The following SPICE1 variants were observed in gnomAD, a reference collection of about 807,000 sequenced individuals.
SPICE1 encodes spindle and centriole associated protein 1, also known as spindle and centriole-associated protein 1.
Under a neutral mutation model 102.7 loss-of-function variants are expected in SPICE1, and 75 were observed. That is an observed-to-expected ratio of 0.73 (90% CI 0.61 to 0.88). SPICE1 has a LOEUF of 0.88. SPICE1 is among the 40% of genes least tolerant of loss of function. The pLI, the probability that SPICE1 is intolerant of heterozygous loss-of-function variation, is 0.00. For missense variants in SPICE1, 979 were observed against 1,020.1 expected (o/e 0.96, Z 0.55); for synonymous variants, 308 against 350.3 (o/e 0.88, Z 1.35).
At chr3:113,514,875 A>C (rs1937292854) in intron 1 of SPICE1, 22 bp downstream of exon 1, 1 of 1,210,306 alleles carries the variant, frequency 8.3e-7, no homozygotes, top group African/African-American at 1.6e-5. Flanking sequence ...AAACATACCC[A>C]GACACGCACC....
chr3:113,512,020 G>C (rs866419777), intron 1 of SPICE1, among the ~76,000 whole-genome samples: 1 of 152,144 alleles, frequency 6.6e-6, no homozygotes, highest in Non-Finnish European at 1.5e-5. Context: ...GGGGGGAAAA[G>C]TATTTCAAGT....
chr3:113,470,832 A>G (rs1433047354), intron 7 of SPICE1, among the ~76,000 whole-genome samples: 2 of 152,216 alleles, frequency 1.3e-5, no homozygotes, highest in African/African-American at 2.4e-5. Context: ...AGTTGCTTGG[A>G]ACTGCTGATC....
chr3:113,494,504 G>A (rs1576644690), intron 4 of SPICE1, among the ~76,000 whole-genome samples: 1 of 151,920 alleles, frequency 6.6e-6, no homozygotes, highest in South Asian at 2.1e-4. Context: ...AAAATTAGCC[G>A]GGCGTGGTAG....
Position 113,489,667 on chromosome 3 carries a change from G to A in SPICE1, c.493-604C>T, listed in dbSNP as rs115635212. Among the ~76,000 whole-genome samples the A allele has an allele frequency of 8.9e-3, 1,355 of 151,920 alleles. 24 individuals are homozygous for A. The highest frequency in any genetic ancestry group is 0.031 in the African/African-American group (1,289 of 41,404). On this transcript the variant is annotated intron_variant, in intron 6 of 17. Coordinates refer to ENST00000295872, the MANE Select transcript of SPICE1 (RefSeq NM_144718.4). ...TGAAGACCAGCCTGAACAACATGGCGAAACCATGTCTCTACAAAAAAATTT... is the reference window on the plus strand; with the variant it reads ...TGAAGACCAGCCTGAACAACATGGCAAAACCATGTCTCTACAAAAAAATTT...
At chr3:113,511,804 C>T (rs1256130752) in intron 1 of SPICE1, among the ~76,000 whole-genome samples, 1 of 151,098 alleles carries the variant, frequency 6.6e-6, no homozygotes, top group Non-Finnish European at 1.5e-5. Context: ...TATTAAAATT[C>T]AAAAAAAATG....
chr3:113,485,016 C>T (rs1457194500), intron 7 of SPICE1, among the ~76,000 whole-genome samples: 1 of 152,066 alleles, frequency 6.6e-6, no homozygotes. Flanking sequence ...GCCTGAGGAA[C>T]CTTGCACTCT....
chr3:113,491,231 G>A (rs574841491), intron 6 of SPICE1, among the ~76,000 whole-genome samples: 1 of 152,232 alleles, frequency 6.6e-6, no homozygotes, highest in East Asian at 1.9e-4. Flanking sequence ...TAAGTGAGTA[G>A]GTTTAGTCTC....
At chr3:113,514,365 C>T in intron 1 of SPICE1, 1 of 288,454 alleles carries the variant, frequency 3.5e-6, no homozygotes, top group South Asian at 3.0e-5. Context: ...TTGAATCAAT[C>T]CTACCTAAAT....
chr3:113,499,430 T>A lies in SPICE1; in HGVS notation c.291+9A>T. The A allele has an allele frequency of 6.2e-7, 1 of 1,608,602 alleles. No individual in the cohort carries two copies. Among genetic ancestry groups the A allele is most frequent in the Non-Finnish European group, 8.5e-7 (1 of 1,178,430 alleles). On this transcript the variant is annotated intron_variant, in intron 4 of 17. Coordinates refer to ENST00000295872, the MANE Select transcript of SPICE1 (RefSeq NM_144718.4). ...TTTTCTTTCTAACTCTAATGCAGTT[T>A]AGCATTACCTCCTTCATGATAGACA... is the stretch of plus-strand genomic sequence containing the variant.
At position 113,461,108 on chromosome 3, in the gene SPICE1, T is replaced by C. The variant is rs1187720999; in HGVS notation, c.1288-344A>G. 4.6e-5 allele frequency among the ~76,000 whole-genome samples: 7 copies of C among 152,000 alleles called. No individual in the cohort carries two copies. In the East Asian group the frequency reaches 1.4e-3, roughly 29 times the overall value. The stretch of plus-strand genomic sequence containing the variant: ...TCTTCATATAGATGTTTCAACTAAC[T>C]CTTAAACTACCCCCAAGAGACACAG... On this transcript the variant is annotated intron_variant, in intron 11 of 17. Transcript: ENST00000295872.
intron 7 of SPICE1, among the ~76,000 whole-genome samples, chr3:113,476,588 T>C (rs1291603223): frequency 6.9e-6 from 1 of 143,974 alleles, no homozygotes; most frequent in Non-Finnish European, 1.5e-5. Context: ...AAAACAGAGA[T>C]ATAGATCAAT....
intron 7 of SPICE1, among the ~76,000 whole-genome samples, chr3:113,475,463 C>T (rs1416540387): frequency 6.6e-6 from 1 of 151,704 alleles, no homozygotes; most frequent in Non-Finnish European, 1.5e-5. Flanking sequence ...ATACCAAAGC[C>T]GGGCAGAGAC....
intron 1 of SPICE1, among the ~76,000 whole-genome samples, chr3:113,508,801 T>A (rs1314305743): frequency 6.6e-6 from 1 of 152,222 alleles, no homozygotes; most frequent in Non-Finnish European, 1.5e-5. Context: ...TAAAAACTTG[T>A]ACATAAAAGG....
intron 11 of SPICE1, among the ~76,000 whole-genome samples, chr3:113,461,695 A>G (rs78549070): frequency 0.043 from 6,543 of 152,296 alleles, 166 homozygotes; most frequent in East Asian, 0.1. Flanking sequence ...CTGTAATAAT[A>G]ACAAAGTAAG....
Position 113,468,890 on chromosome 3 carries a change from T to G in SPICE1, c.761A>C (p.Asn254Thr). Residue 254 changes from asparagine (N) to threonine (T), a missense_variant, in exon 9 of 18, where the codon AAT becomes ACT. Physicochemically the swap from Asn to Thr is moderately conservative, Grantham distance 65 (BLOSUM62 0). Transcript: ENST00000295872. ...LSSGEQRAAL[N>T]ATNAVKRLQT... is the part of the protein sequence containing the mutation. ...GAGTCTCTTGACAGCATTGGTAGCA[T>G]TCAGAGCAGCTAAAAGGAAGAACAT... 6.2e-7 allele frequency: 1 copy of G among 1,608,174 alleles called. No homozygotes were observed. Among genetic ancestry groups the G allele is most frequent in the East Asian group, 2.2e-5 (1 of 44,842 alleles).
chr3:113,494,151 G>A lies in SPICE1; in HGVS notation c.292-9C>T. 1 of 1,543,160 alleles carries A rather than the reference G, an allele frequency of 6.5e-7. No individual in the cohort carries two copies. The highest frequency in any genetic ancestry group is 8.9e-7 in the Non-Finnish European group (1 of 1,125,334). ...TATTGATCAGAAAGAATCTAGACAT[G>A]TGTTAATGACAAATATTATTATTCA... On this transcript the variant is annotated splice_polypyrimidine_tract_variant and intron_variant, in intron 4 of 17. Coordinates refer to ENST00000295872, the MANE Select transcript of SPICE1 (RefSeq NM_144718.4).
In SPICE1 at chr3:113,450,465, C is replaced by T; in HGVS notation, c.2194G>A (p.Ala732Thr). Residue 732 changes from alanine to threonine, a missense_variant, in exon 15 of 18, where the codon GCA becomes ACA. Physicochemically the swap from Ala to Thr is moderately conservative, Grantham distance 58. Transcript: ENST00000295872. ...LTPGSMEERI[A>T]ELNRQSMEAR... ...TCCATACTTTGTCGATTCAATTCTG[C>T]AATCCGTTCCTCCATACTACCTGGT... is the stretch of plus-strand genomic sequence containing the variant. 1 of 1,613,200 alleles carries T rather than the reference C, an allele frequency of 6.2e-7. No homozygotes were observed. Among genetic ancestry groups the T allele is most frequent in the Non-Finnish European group, 8.5e-7 (1 of 1,179,920 alleles).
chr3:113,451,773 T>C (rs1193080760), intron 14 of SPICE1, among the ~76,000 whole-genome samples: 1 of 152,158 alleles, frequency 6.6e-6, no homozygotes. Context: ...CTACTAGCAA[T>C]ATTCCTTTCT....
At chr3:113,493,425 A>G in intron 5 of SPICE1, 113 bp from the exon 6 acceptor site, 1 of 787,280 alleles carries the variant, frequency 1.3e-6, no homozygotes, top group South Asian at 1.5e-5. Context: ...ACAGCAGCTC[A>G]CATTAATGTA....
Sources: gnomAD v4.1 joint callset for allele counts (sites outside exome capture counted in the v4.1 genomes callset) on GRCh38, gnomAD v4.1.1 for gene constraint, MANE v1.5 for transcripts, NCBI Gene and HGNC (gene_info 2026-07-23, HGNC 2026-07-21) for gene names.